UBR1: variants seen among roughly 807,000 people sequenced by gnomAD.
UBR1 encodes the protein E3 ubiquitin-protein ligase UBR1.
Under a neutral mutation model 242.1 loss-of-function variants are expected in UBR1, and 102 were observed. The observed-to-expected ratio is 0.42, with a 90% CI of 0.36 to 0.50. The LOEUF (loss-of-function observed/expected upper bound fraction) is 0.50, where lower values mean the gene tolerates loss of function less well. Ranked by LOEUF, UBR1 falls within the 20% of genes least tolerant of loss-of-function variation. The pLI is 0.01. For synonymous variants in UBR1, 675 were observed against 684.8 expected, an observed-to-expected ratio of 0.99 and a Z score of 0.22; for missense variants, 1,772 against 2,101.8, an observed-to-expected ratio of 0.84 and a Z score of 3.07.
intron 2 of UBR1, among the ~76,000 whole-genome samples, chr15:43,085,455 A>C (rs1033898769): frequency 7.9e-5 from 12 of 152,252 alleles, no homozygotes; most frequent in Non-Finnish European, 1.5e-4. Context: ...GAAGACATAT[A>C]TATTCAGAAA....
At chr15:42,955,822 A>G (rs1246060728) in intron 44 of UBR1, among the ~76,000 whole-genome samples, 2 of 152,234 alleles carry the variant, frequency 1.3e-5, no homozygotes, top group African/African-American at 4.8e-5. Flanking sequence ...AAGATACAAA[A>G]TTATGTTTAA....
At chr15:43,016,567 A>T (rs2033026820) in intron 28 of UBR1, among the ~76,000 whole-genome samples, 1 of 152,168 alleles carries the variant, frequency 6.6e-6, no homozygotes. Flanking sequence ...AAAGTTAATA[A>T]AATATGGTAT....
chr15:42,989,007 G>C, intron 34 of UBR1, 40 bp from the exon 35 acceptor site: 1 of 1,535,914 alleles, frequency 6.5e-7, no homozygotes. Flanking sequence ...TTTAGTAAAA[G>C]GAGCTACTTA....
chr15:43,028,941 C>T (rs993977278), intron 21 of UBR1, among the ~76,000 whole-genome samples: 39 of 151,806 alleles, frequency 2.6e-4, no homozygotes, highest in African/African-American at 4.1e-4. Flanking sequence ...AAAAACTAGC[C>T]GGGTGTGGTG....
chr15:42,952,781 A>C (rs745525163), intron 44 of UBR1, among the ~76,000 whole-genome samples: 14 of 152,212 alleles, frequency 9.2e-5, no homozygotes, highest in Non-Finnish European at 1.5e-4. Flanking sequence ...TGCCCAATTT[A>C]CAGTTACCTG....
At chr15:42,997,307 G>C (rs917464584) in intron 33 of UBR1, among the ~76,000 whole-genome samples, 5 of 152,012 alleles carry the variant, frequency 3.3e-5, no homozygotes, top group African/African-American at 1.2e-4. Context: ...CAAGCTTAGG[G>C]CTCCCACTGA....
At chr15:43,017,409 G>A (rs2033042330) in intron 27 of UBR1, among the ~76,000 whole-genome samples, 1 of 152,250 alleles carries the variant, frequency 6.6e-6, no homozygotes, top group Non-Finnish European at 1.5e-5. Flanking sequence ...AGCAGATTCA[G>A]TAGGCTGGGG....
chr15:42,959,027 C>T lies in UBR1; in HGVS notation c.4758-937G>A, dbSNP rs569535853. On this transcript the variant is annotated intron_variant, in intron 43 of 46. Coordinates refer to ENST00000290650, the MANE Select transcript of UBR1 (RefSeq NM_174916.3). ...TGTATTTTTACTAGAGACGGGGTTT[C>T]GTCATGTTGGTCAGGCTGGTCTCGA... Among the ~76,000 whole-genome samples, 17 of 151,928 alleles carry T rather than the reference C, an allele frequency of 1.1e-4. No individual in the cohort carries two copies. The East Asian group carries it at 2.5e-3, about 23-fold the overall frequency.
Position 43,002,550 on chromosome 15 carries a change from T to C in UBR1, c.3659+5A>G. 1 of 1,613,594 alleles carries C rather than the reference T, an allele frequency of 6.2e-7. No homozygotes were observed. Among genetic ancestry groups the C allele is most frequent in the Non-Finnish European group, 8.5e-7 (1 of 1,179,726 alleles). ...AAATTAACCAAAACATAAATTAAAA[T>C]ATACCTGTTTATCTTTTGAGGTTGC... On this transcript the variant is annotated splice_donor_5th_base_variant and intron_variant, in intron 32 of 46. Coordinates refer to ENST00000290650, the MANE Select transcript of UBR1 (RefSeq NM_174916.3).
intron 32 of UBR1, among the ~76,000 whole-genome samples, chr15:43,001,655 ATAAT>A (rs2032727130): frequency 6.6e-6 from 1 of 152,236 alleles, no homozygotes; most frequent in South Asian, 2.1e-4. Context: ...ATAGAAATAT[ATAAT>A]TAAATTTCCA....
rs551459833 is a variant in UBR1, at chr15:43,035,471, GTTGT to G, written c.2190+703_2190+706del. On this transcript the variant is annotated intron_variant, in intron 19 of 46. Transcript: ENST00000290650. ...TGTCCTTTGCCCACTTTTTGATGGGGTTGTTTGTTTTTTTCTTGTAAATTTGTTT... is the reference window on the plus strand; with the variant it reads ...TGTCCTTTGCCCACTTTTTGATGGGGTTGTTTTTTTCTTGTAAATTTGTTT... 1.4e-4 allele frequency among the ~76,000 whole-genome samples: 21 copies of G among 151,808 alleles called. No individual in the cohort carries two copies. The South Asian group carries it at 1.9e-3, about 14-fold the overall frequency.
chr15:42,991,048 G>A (rs945014464), intron 33 of UBR1, among the ~76,000 whole-genome samples: 7 of 151,790 alleles, frequency 4.6e-5, no homozygotes, highest in Non-Finnish European at 8.8e-5. Flanking sequence ...GCCGCAGTGA[G>A]AGGATCAATT....
chr15:43,043,412 A>G lies in UBR1; in HGVS notation c.1669-17T>C, dbSNP rs746354356. 35 of 1,613,566 alleles carry G rather than the reference A, an allele frequency of 2.2e-5. No individual in the cohort carries two copies. Among genetic ancestry groups the G allele is most frequent in the Non-Finnish European group, 8.5e-7 (1 of 1,179,702 alleles). On this transcript the variant is annotated splice_polypyrimidine_tract_variant and intron_variant, in intron 14 of 46. Coordinates refer to ENST00000290650, the MANE Select transcript of UBR1 (RefSeq NM_174916.3). ...GAGTTCTTCCTAAGAGGAAAATAAG[A>G]TACAAAAAGTTGACAAGTTTTCTAC...
intron 12 of UBR1, among the ~76,000 whole-genome samples, chr15:43,049,089 T>C (rs2033520927): frequency 6.6e-6 from 1 of 152,190 alleles, no homozygotes; most frequent in African/African-American, 2.4e-5. Flanking sequence ...ATGAAATGAG[T>C]TATCAGGAAG....
chr15:43,082,554 A>C (rs2033985294), intron 3 of UBR1, 84 bp downstream of exon 3: 1 of 1,016,730 alleles, frequency 9.8e-7, no homozygotes, highest in Non-Finnish European at 1.5e-6. Context: ...CTGTTATAGC[A>C]GGAATGTGAA....
At chr15:42,947,066 G>A (rs984213315) in intron 46 of UBR1, among the ~76,000 whole-genome samples, 91 of 152,230 alleles carry the variant, frequency 6.0e-4, no homozygotes, top group African/African-American at 2.1e-3. Context: ...CAGGAGAATC[G>A]CTTGAACCCT....
intron 41 of UBR1, among the ~76,000 whole-genome samples, 168 bp downstream of exon 41, chr15:42,965,985 G>A (rs542129095): frequency 5.9e-5 from 9 of 152,238 alleles, no homozygotes; most frequent in South Asian, 2.1e-4. Flanking sequence ...ATACTTTTTG[G>A]CCTCACCTTT....
chr15:43,014,084 G>C (rs953179550), intron 29 of UBR1, among the ~76,000 whole-genome samples: 10 of 152,246 alleles, frequency 6.6e-5, no homozygotes, highest in African/African-American at 2.2e-4. Context: ...GGGTTTCGCT[G>C]TGTTGGCCGG....
chr15:42,959,372 T>C (rs2031977977), intron 43 of UBR1, among the ~76,000 whole-genome samples: 1 of 152,174 alleles, frequency 6.6e-6, no homozygotes, highest in South Asian at 2.1e-4. Flanking sequence ...TTTATAATTA[T>C]TTCTATACTC....
Sources: allele counts gnomAD v4.1 joint callset (sites outside exome capture counted in the v4.1 genomes callset), GRCh38; gene constraint gnomAD v4.1.1; transcripts MANE v1.5; gene names NCBI Gene and HGNC (gene_info 2026-07-23, HGNC 2026-07-21).